BTBD9: variants seen among roughly 807,000 people sequenced by gnomAD.
The protein encoded by BTBD9 is BTB domain containing 9.
A neutral mutation model predicts 64.3 loss-of-function variants in BTBD9; 49 were observed. The observed-to-expected ratio is 0.76, with a 90% CI of 0.61 to 0.97. The LOEUF (loss-of-function observed/expected upper bound fraction) is 0.97, where lower values mean the gene tolerates loss of function less well. BTBD9 is among the 50% of genes least tolerant of loss of function. The pLI is 0.00. For missense variants in BTBD9, 598 were observed against 762.1 expected (o/e 0.78, Z 2.53); for synonymous variants, 260 against 274.7 (o/e 0.95, Z 0.53).
rs185296476 is a variant in BTBD9 at position 38,175,217 on chromosome 6, G to A, written c.1642-35C>T. On this transcript the variant is annotated intron_variant, in intron 10 of 10. Coordinates refer to ENST00000481247, the MANE Select transcript of BTBD9 (RefSeq NM_001099272.2). Reference sequence around the variant, plus strand: ...AAAAGGAAAAGACCCCATGAGTGAAGGGTCAGCATGCGGCCCTGGAGTTGC... The same window carrying A: ...AAAAGGAAAAGACCCCATGAGTGAAAGGTCAGCATGCGGCCCTGGAGTTGC... The A allele has an allele frequency of 9.9e-6, 16 of 1,610,926 alleles. No homozygotes were observed. The East Asian group carries it at 3.1e-4, about 31-fold the overall frequency.
At chr6:38,323,622 G>A (rs141844948) in intron 7 of BTBD9, among the ~76,000 whole-genome samples, 2,708 of 152,236 alleles carry the variant, frequency 0.018, 30 homozygotes, top group Middle Eastern at 0.041. Flanking sequence ...GTTTACAGTC[G>A]TCAATTTCCA....
At chr6:38,278,038 G>A (rs1342378961) in intron 8 of BTBD9, among the ~76,000 whole-genome samples, 1 of 152,204 alleles carries the variant, frequency 6.6e-6, no homozygotes, top group Non-Finnish European at 1.5e-5. Context: ...GCTGGGTAGG[G>A]CTTCAAATAA....
chr6:38,399,797 G>T (rs1766844570), intron 6 of BTBD9, among the ~76,000 whole-genome samples: 1 of 151,998 alleles, frequency 6.6e-6, no homozygotes, highest in African/African-American at 2.4e-5. Context: ...TGTTGCCCAG[G>T]CTGGAGTGCA....
intron 10 of BTBD9, among the ~76,000 whole-genome samples, chr6:38,181,436 C>A (rs777801085): frequency 5.8e-4 from 89 of 152,204 alleles, no homozygotes; most frequent in Admixed American, 2.4e-3. Flanking sequence ...CCCTAAAGAT[C>A]CCCTATTTCC....
chr6:38,408,352 T>TAAACA (rs766246130), intron 6 of BTBD9, among the ~76,000 whole-genome samples: 6 of 117,702 alleles, frequency 5.1e-5, no homozygotes, highest in African/African-American at 9.0e-5. Flanking sequence ...ACCCTGTCTC[T>TAAACA]AAACAAAACA....
chr6:38,194,845 T>C (rs916642422), intron 9 of BTBD9, among the ~76,000 whole-genome samples: 6 of 151,972 alleles, frequency 3.9e-5, no homozygotes, highest in African/African-American at 1.5e-4. Flanking sequence ...TGCTTCTGCA[T>C]GGGGAGGCAG....
At chr6:38,573,379 G>A (rs1431916304) in intron 6 of BTBD9, among the ~76,000 whole-genome samples, 3 of 151,934 alleles carry the variant, frequency 2.0e-5, no homozygotes, top group African/African-American at 7.3e-5. Context: ...TTTAAAAAAG[G>A]AAATAAAGAA....
chr6:38,596,457 A>G (rs1404020499), intron 2 of BTBD9, among the ~76,000 whole-genome samples: 1 of 152,302 alleles, frequency 6.6e-6, no homozygotes, highest in African/African-American at 2.4e-5. Flanking sequence ...GACAAGGTAC[A>G]CTGTACTAAT....
intron 6 of BTBD9, among the ~76,000 whole-genome samples, chr6:38,471,781 GA>G (rs1204225507): frequency 6.6e-6 from 1 of 152,084 alleles, no homozygotes; most frequent in East Asian, 1.9e-4. Context: ...GTCACCCAGA[GA>G]AAGAAACTAA....
intron 6 of BTBD9, 109 bp downstream of exon 6, chr6:38,577,491 G>T: frequency 9.1e-7 from 1 of 1,095,538 alleles, no homozygotes; most frequent in Non-Finnish European, 1.3e-6. Context: ...TTTAGTAGTT[G>T]ACATCCTGAA....
intron 6 of BTBD9, among the ~76,000 whole-genome samples, chr6:38,538,235 T>G (rs1455881616): frequency 6.6e-6 from 1 of 152,190 alleles, no homozygotes; most frequent in East Asian, 1.9e-4. Flanking sequence ...GCCTAGGAAT[T>G]CATTAGTTTT....
intron 6 of BTBD9, among the ~76,000 whole-genome samples, chr6:38,363,608 T>C (rs1276259377): frequency 1.3e-5 from 2 of 152,170 alleles, no homozygotes; most frequent in African/African-American, 4.8e-5. Flanking sequence ...TCTGAAGAGC[T>C]TGCATGTAAT....
intron 6 of BTBD9, among the ~76,000 whole-genome samples, chr6:38,547,882 T>C (rs1046905756): frequency 6.6e-6 from 1 of 152,168 alleles, no homozygotes; most frequent in Non-Finnish European, 1.5e-5. Flanking sequence ...GCAGGGACTT[T>C]TTCTGTCTTA....
chr6:38,344,707 T>C (rs563256294), intron 7 of BTBD9, among the ~76,000 whole-genome samples: 8 of 152,304 alleles, frequency 5.3e-5, no homozygotes, highest in African/African-American at 1.7e-4. Flanking sequence ...CACCTGACTA[T>C]CACAAACATT....
chr6:38,249,250 CTTCT>C lies in BTBD9; in HGVS notation c.1562+7155_1562+7158del, dbSNP rs201228741. On this transcript the variant is annotated intron_variant, in intron 9 of 10. Coordinates refer to ENST00000481247, the MANE Select transcript of BTBD9 (RefSeq NM_001099272.2). ...GTTCTCTGCAATCGCCATGAGTGAT[CTTCT>C]TTCTTTCTTTCTTTTTTTGAGACAG... 8.0e-3 allele frequency among the ~76,000 whole-genome samples: 1,213 copies of C among 152,010 alleles called. 11 individuals are homozygous for C. Among genetic ancestry groups the C allele is most frequent in the African/African-American group, 0.028 (1,144 of 41,458 alleles).
At chr6:38,326,757 C>CAAA (rs398001240) in intron 7 of BTBD9, among the ~76,000 whole-genome samples, 5 of 123,540 alleles carry the variant, frequency 4.0e-5, no homozygotes, top group African/African-American at 6.3e-5. Context: ...AGAATCACTG[C>CAAA]AAAAAAAAAA....
At chr6:38,571,435 A>G (rs1775762967) in intron 6 of BTBD9, among the ~76,000 whole-genome samples, 1 of 152,170 alleles carries the variant, frequency 6.6e-6, no homozygotes. Flanking sequence ...AGCACTATGT[A>G]AGTACTATAA....
intron 6 of BTBD9, among the ~76,000 whole-genome samples, chr6:38,459,226 C>T (rs1477701685): frequency 6.6e-6 from 1 of 152,136 alleles, no homozygotes; most frequent in Admixed American, 6.5e-5. Flanking sequence ...ACCATGTTGG[C>T]CAGGCTGGTC....
At chr6:38,366,952 C>G (rs73730944) in intron 6 of BTBD9, among the ~76,000 whole-genome samples, 2,971 of 152,290 alleles carry the variant, frequency 0.02, 108 homozygotes, top group African/African-American at 0.068. Context: ...ACTATAGAGA[C>G]CTGATCAAGG....
Sources: allele counts gnomAD v4.1 joint callset (sites outside exome capture counted in the v4.1 genomes callset), GRCh38; gene constraint gnomAD v4.1.1; transcripts MANE v1.5; gene names NCBI Gene and HGNC (gene_info 2026-07-23, HGNC 2026-07-21).